SMYD3: variants seen among roughly 807,000 people sequenced by gnomAD.
SMYD3 encodes the protein histone-lysine N-methyltransferase SMYD3.
Under a neutral mutation model 57.7 loss-of-function variants are expected in SMYD3, and 36 were observed. The observed-to-expected ratio is 0.62, with a 90% CI of 0.48 to 0.82. SMYD3 has a LOEUF of 0.82. Ranked by LOEUF, SMYD3 falls within the 40% of genes least tolerant of loss-of-function variation. SMYD3 has a pLI of 0.00. For synonymous variants in SMYD3, 211 were observed against 195.0 expected, an observed-to-expected ratio of 1.08 and a Z score of -0.68; for missense variants, 515 against 538.8, an observed-to-expected ratio of 0.96 and a Z score of 0.44.
At chr1:246,127,063 T>C (rs2061520852) in intron 5 of SMYD3, among the ~76,000 whole-genome samples, 1 of 152,130 alleles carries the variant, frequency 6.6e-6, no homozygotes, top group South Asian at 2.1e-4. Flanking sequence ...TTCCAATGTA[T>C]CTACACAGGA....
intron 10 of SMYD3, among the ~76,000 whole-genome samples, chr1:245,798,446 A>AC (rs1480153482): frequency 9.6e-6 from 1 of 104,588 alleles, no homozygotes; most frequent in African/African-American, 4.9e-5. Flanking sequence ...ACACACACAT[A>AC]AAAATATGCA....
chr1:245,978,508 G>A (rs1003924910), intron 5 of SMYD3, among the ~76,000 whole-genome samples: 4 of 152,066 alleles, frequency 2.6e-5, no homozygotes, highest in Admixed American at 6.5e-5. Flanking sequence ...TATAGACTGC[G>A]TCTTTCTACT....
At chr1:246,303,347 A>C (rs2148618152) in intron 5 of SMYD3, among the ~76,000 whole-genome samples, 1 of 152,290 alleles carries the variant, frequency 6.6e-6, no homozygotes, top group South Asian at 2.1e-4. Flanking sequence ...AGCCACTAAG[A>C]TCATACATTC....
chr1:246,005,588 C>T (rs2059154290), intron 5 of SMYD3, among the ~76,000 whole-genome samples: 1 of 152,170 alleles, frequency 6.6e-6, no homozygotes, highest in Admixed American at 6.5e-5. Context: ...AGCTGGAATA[C>T]AGCAGGGCCT....
intron 8 of SMYD3, among the ~76,000 whole-genome samples, chr1:245,895,161 C>G (rs1264994221): frequency 8.1e-6 from 1 of 123,962 alleles, no homozygotes; most frequent in Non-Finnish European, 1.7e-5. Context: ...GTCAGTAACT[C>G]CCTTCCTTGA....
chr1:246,506,978 G>GCCCCCCCCACCCCCC, intron 1 of SMYD3, 76 bp downstream of exon 1: 2 of 1,174,510 alleles, frequency 1.7e-6, no homozygotes, highest in Non-Finnish European at 2.2e-6. Context: ...CGCGGCTGCC[G>GCCCCCCCCACCCCCC]GCCGCCCGAC....
intron 4 of SMYD3, 121 bp from the exon 5 acceptor site, chr1:246,327,458 G>C (rs2065375695): frequency 2.4e-6 from 2 of 827,968 alleles, no homozygotes; most frequent in East Asian, 5.3e-5. Context: ...TTTTGACAAA[G>C]AGCAAATACA....
chr1:246,039,860 G>A (rs1176780455), intron 5 of SMYD3, among the ~76,000 whole-genome samples: 1 of 152,090 alleles, frequency 6.6e-6, no homozygotes, highest in Non-Finnish European at 1.5e-5. Context: ...CACAGACCAG[G>A]CCCAATAGTT....
intron 5 of SMYD3, among the ~76,000 whole-genome samples, chr1:246,044,232 A>G (rs1317356259): frequency 6.6e-6 from 1 of 152,194 alleles, no homozygotes; most frequent in African/African-American, 2.4e-5. Flanking sequence ...CATTACCTCA[A>G]TTTAGTTCTC....
intron 5 of SMYD3, among the ~76,000 whole-genome samples, chr1:245,945,496 A>G (rs2057401890): frequency 6.6e-6 from 1 of 152,226 alleles, no homozygotes; most frequent in South Asian, 2.1e-4. Context: ...GCAAAGAAAT[A>G]GGGATGCTTT....
rs373523889 is a variant in SMYD3, at chr1:245,830,322, G to T, written c.1076+28174C>A. Among the ~76,000 whole-genome samples, 24 of 152,274 alleles carry T rather than the reference G, an allele frequency of 1.6e-4. No individual in the cohort carries two copies. In the East Asian group the frequency reaches 2.1e-3, roughly 13 times the overall value. ...GGCGGAAGGCAAAGGAGAAGCAAAG[G>T]CACGTCCTACATGGCGGCAGGCAAG... On this transcript the variant is annotated intron_variant, in intron 10 of 11. Transcript: ENST00000490107.
At chr1:246,130,682 T>C (rs2061573845) in intron 5 of SMYD3, among the ~76,000 whole-genome samples, 1 of 152,206 alleles carries the variant, frequency 6.6e-6, no homozygotes, top group African/African-American at 2.4e-5. Flanking sequence ...TGCCACTCAT[T>C]GCACTCCAGA....
chr1:246,378,780 T>TATATTA (rs2066331200), intron 1 of SMYD3, among the ~76,000 whole-genome samples: 1 of 110,856 alleles, frequency 9.0e-6, no homozygotes, highest in Non-Finnish European at 1.7e-5. Context: ...TATAATTTAA[T>TATATTA]ATATTTAATA....
intron 1 of SMYD3, among the ~76,000 whole-genome samples, chr1:246,457,496 G>A (rs564433191): frequency 1.5e-5 from 2 of 132,510 alleles, no homozygotes; most frequent in East Asian, 5.1e-4. Context: ...TCGTGCCACT[G>A]CACTCCAGCC....
chr1:245,990,959 T>C (rs1199140740), intron 5 of SMYD3, among the ~76,000 whole-genome samples: 2 of 152,230 alleles, frequency 1.3e-5, no homozygotes, highest in Non-Finnish European at 2.9e-5. Context: ...TTTAAAAAAA[T>C]TGTTATGTTT....
chr1:246,085,967 A>C (rs2060715199), intron 5 of SMYD3, among the ~76,000 whole-genome samples: 2 of 151,874 alleles, frequency 1.3e-5, no homozygotes, highest in Non-Finnish European at 2.9e-5. Flanking sequence ...GGCTAAAAAC[A>C]GTAGAAAAAG....
intron 5 of SMYD3, among the ~76,000 whole-genome samples, chr1:246,315,439 G>A (rs2065141483): frequency 6.6e-6 from 1 of 152,166 alleles, no homozygotes; most frequent in East Asian, 1.9e-4. Context: ...AGAGGGCGAG[G>A]GAAGATAAAC....
chr1:245,938,240 C>T (rs1251867314), intron 5 of SMYD3, among the ~76,000 whole-genome samples: 1 of 152,140 alleles, frequency 6.6e-6, no homozygotes, highest in African/African-American at 2.4e-5. Flanking sequence ...GTGCATGACT[C>T]GTGTACAAGC....
At chr1:245,859,960 C>G (rs1041596890) in intron 9 of SMYD3, among the ~76,000 whole-genome samples, 1 of 152,214 alleles carries the variant, frequency 6.6e-6, no homozygotes, top group African/African-American at 2.4e-5. Flanking sequence ...TGACACAGTT[C>G]ATGATGTGTC....
Sources: gnomAD v4.1 joint callset for allele counts (sites outside exome capture counted in the v4.1 genomes callset) on GRCh38, gnomAD v4.1.1 for gene constraint, MANE v1.5 for transcripts, NCBI Gene and HGNC (gene_info 2026-07-23, HGNC 2026-07-21) for gene names.